The following PCCA variants were observed in gnomAD, a reference collection of about 807,000 sequenced individuals.
PCCA encodes propionyl-CoA carboxylase subunit alpha, also known as propionyl-CoA carboxylase alpha chain, mitochondrial.
Under a neutral mutation model 101.3 loss-of-function variants are expected in PCCA, and 74 were observed. That is an observed-to-expected ratio of 0.73 (90% CI 0.61 to 0.89). The LOEUF (loss-of-function observed/expected upper bound fraction) is 0.89, where lower values mean the gene tolerates loss of function less well. Ranked by LOEUF, PCCA falls within the 40% of genes least tolerant of loss-of-function variation. The pLI, the probability that PCCA is intolerant of heterozygous loss-of-function variation, is 0.00. For synonymous variants in PCCA, 294 were observed against 313.6 expected, an observed-to-expected ratio of 0.94 and a Z score of 0.66; for missense variants, 891 against 907.0, an observed-to-expected ratio of 0.98 and a Z score of 0.23.
At chr13:100,311,922 C>T (rs1424176486) in intron 16 of PCCA, among the ~76,000 whole-genome samples, 1 of 152,144 alleles carries the variant, frequency 6.6e-6, no homozygotes, top group Middle Eastern at 3.2e-3. Context: ...TCATTGCACC[C>T]TGTTCAAATA....
chr13:100,158,457 A>G (rs1198432815), intron 6 of PCCA, among the ~76,000 whole-genome samples: 1 of 152,212 alleles, frequency 6.6e-6, no homozygotes, highest in Non-Finnish European at 1.5e-5. Context: ...GTCCAAAACT[A>G]AGGCCTAAAG....
chr13:100,383,653 G>A (rs144538647), intron 19 of PCCA, among the ~76,000 whole-genome samples: 2 of 152,050 alleles, frequency 1.3e-5, no homozygotes, highest in Non-Finnish European at 2.9e-5. Flanking sequence ...GTAAGCTTTT[G>A]TGTACAAGAG....
intron 13 of PCCA, among the ~76,000 whole-genome samples, chr13:100,301,915 CTTTG>C (rs892032797): frequency 2.4e-4 from 37 of 152,128 alleles, no homozygotes; most frequent in Middle Eastern, 6.8e-3. Context: ...TTTGCATTTT[CTTTG>C]TTTATTTTCA....
At chr13:100,321,045 A>C (rs1428551711) in intron 16 of PCCA, among the ~76,000 whole-genome samples, 2 of 52,422 alleles carry the variant, frequency 3.8e-5, no homozygotes, top group African/African-American at 7.5e-5. Context: ...ATTCCTCCCT[A>C]ATGTTACCAT....
At chr13:100,512,861 C>G (rs959021910) in intron 21 of PCCA, among the ~76,000 whole-genome samples, 6 of 152,232 alleles carry the variant, frequency 3.9e-5, no homozygotes, top group Admixed American at 2.0e-4. Flanking sequence ...ACGGTGAAAC[C>G]GAGCTTGTAC....
chr13:100,487,803 C>T (rs959806084), intron 21 of PCCA, among the ~76,000 whole-genome samples: 1 of 152,004 alleles, frequency 6.6e-6, no homozygotes, highest in African/African-American at 2.4e-5. Flanking sequence ...TAGCTCACTA[C>T]AGCCTCAAAA....
intron 17 of PCCA, among the ~76,000 whole-genome samples, chr13:100,331,934 A>ATTTTT (rs34411352): frequency 1.1e-5 from 1 of 89,770 alleles, no homozygotes; most frequent in Non-Finnish European, 2.0e-5. Flanking sequence ...ATTACTTTGG[A>ATTTTT]TTTTTTTTTT....
intron 16 of PCCA, among the ~76,000 whole-genome samples, chr13:100,320,493 C>G (rs1256365325): frequency 6.6e-6 from 1 of 152,242 alleles, no homozygotes; most frequent in Admixed American, 6.5e-5. Context: ...TTTTGAGATA[C>G]GTCCCATCAA....
At chr13:100,157,427 A>G in intron 6 of PCCA, 87 bp downstream of exon 6, 2 of 889,122 alleles carry the variant, frequency 2.2e-6, no homozygotes, top group South Asian at 1.4e-5. Context: ...GTAGTGATGG[A>G]TTATAGAATT....
At chr13:100,206,947 G>A (rs1203323193) in intron 6 of PCCA, among the ~76,000 whole-genome samples, 6 of 152,122 alleles carry the variant, frequency 3.9e-5, no homozygotes, top group Admixed American at 6.5e-5. Context: ...CTTGCTCTCC[G>A]TGCTATCATT....
At chr13:100,444,187 T>C (rs1447422989) in intron 20 of PCCA, among the ~76,000 whole-genome samples, 2 of 146,236 alleles carry the variant, frequency 1.4e-5, no homozygotes, top group Non-Finnish European at 3.0e-5. Context: ...TTGTTAACTG[T>C]CTCATCAGCC....
intron 12 of PCCA, among the ~76,000 whole-genome samples, chr13:100,294,443 G>A (rs900729949): frequency 6.6e-6 from 1 of 151,768 alleles, no homozygotes. Flanking sequence ...CCGTTTTCGT[G>A]GTCACTCTTT....
At chr13:100,285,158 G>T (rs1040946325) in intron 12 of PCCA, among the ~76,000 whole-genome samples, 2 of 152,290 alleles carry the variant, frequency 1.3e-5, no homozygotes, top group Middle Eastern at 3.4e-3. Context: ...CAGTTGTGGG[G>T]GTTCCTTGGA....
chr13:100,347,135 A>G (rs2072387957), intron 18 of PCCA, among the ~76,000 whole-genome samples: 1 of 152,200 alleles, frequency 6.6e-6, no homozygotes, highest in African/African-American at 2.4e-5. Context: ...TCGGCCATCC[A>G]AAGTGCTGGG....
intron 20 of PCCA, among the ~76,000 whole-genome samples, chr13:100,429,507 C>T (rs892569138): frequency 6.6e-6 from 1 of 151,904 alleles, no homozygotes; most frequent in African/African-American, 2.4e-5. Context: ...TTTGAGCATA[C>T]ATATAAACTT....
At chr13:100,132,497 C>T (rs2050650464) in intron 4 of PCCA, among the ~76,000 whole-genome samples, 1 of 152,124 alleles carries the variant, frequency 6.6e-6, no homozygotes, top group Non-Finnish European at 1.5e-5. Context: ...TAGAATGTTC[C>T]TTTTTTATTA....
At chr13:100,464,919 C>T (rs926453959) in intron 21 of PCCA, among the ~76,000 whole-genome samples, 2 of 152,192 alleles carry the variant, frequency 1.3e-5, no homozygotes, top group Non-Finnish European at 2.9e-5. Flanking sequence ...CTACTGGCCT[C>T]ACTTTTAAAG....
chr13:100,517,608 T>C (rs972285238), intron 22 of PCCA, among the ~76,000 whole-genome samples: 7 of 152,284 alleles, frequency 4.6e-5, no homozygotes, highest in East Asian at 1.9e-4. Context: ...GGGGCACGCG[T>C]AGTGAACAGG....
intron 12 of PCCA, among the ~76,000 whole-genome samples, chr13:100,278,556 G>C (rs569048627): frequency 1.3e-5 from 2 of 151,216 alleles, no homozygotes; most frequent in African/African-American, 4.9e-5. Context: ...ATCTCGGCCT[G>C]CAAACCTCCG....
Sources: allele counts gnomAD v4.1 joint callset (sites outside exome capture counted in the v4.1 genomes callset), GRCh38; gene constraint gnomAD v4.1.1; transcripts MANE v1.5; gene names NCBI Gene and HGNC (gene_info 2026-07-23, HGNC 2026-07-21).